Variants in ZNF343 observed in about 807,000 individuals in gnomAD.
ZNF343 encodes zinc finger protein 343.
ZNF343 carries 11 observed loss-of-function variants against 13.8 expected under a neutral mutation model. That is an observed-to-expected ratio of 0.80 (90% CI 0.50 to 1.32). ZNF343 has a LOEUF of 1.32. ZNF343 is among the 40% of genes most tolerant of loss of function. The pLI is 0.00. For synonymous variants in ZNF343, 248 were observed against 260.0 expected, an observed-to-expected ratio of 0.95 and a Z score of 0.44; for missense variants, 658 against 714.2, an observed-to-expected ratio of 0.92 and a Z score of 0.90.
At position 2,493,904 on chromosome 20, in the gene ZNF343, A is replaced by C; in HGVS notation, c.-9T>G. Reference sequence around the variant, plus strand: ...GGATAAGGCAACATCATGGCGCCAGAGTCAGCCCAGTGTGTGCCTTGAAAT... The same window carrying C: ...GGATAAGGCAACATCATGGCGCCAGCGTCAGCCCAGTGTGTGCCTTGAAAT... On this transcript the variant is annotated 5_prime_UTR_variant, in exon 3 of 6. Coordinates refer to ENST00000278772, the MANE Select transcript of ZNF343 (RefSeq NM_024325.6). 6.3e-7 allele frequency: 1 copy of C among 1,579,970 alleles called. No homozygotes were observed. The highest frequency in any genetic ancestry group is 8.7e-7 in the Non-Finnish European group (1 of 1,148,890).
At chr20:2,496,508 G>A (rs1037608025) in intron 2 of ZNF343, among the ~76,000 whole-genome samples, 1 of 152,158 alleles carries the variant, frequency 6.6e-6, no homozygotes, top group South Asian at 2.1e-4. Flanking sequence ...ATTTGGAGCA[G>A]AGGAATAACA....
At chr20:2,488,741 A>C (rs909547695) in intron 5 of ZNF343, among the ~76,000 whole-genome samples, 2 of 152,130 alleles carry the variant, frequency 1.3e-5, no homozygotes, top group African/African-American at 4.8e-5. Flanking sequence ...ACCTGATTTT[A>C]ATCTATAAAA....
chr20:2,499,725 G>C (rs1466710220), intron 2 of ZNF343, among the ~76,000 whole-genome samples: 1 of 152,128 alleles, frequency 6.6e-6, no homozygotes, highest in Non-Finnish European at 1.5e-5. Context: ...AAGGAGGCAA[G>C]AAAGACTCAG....
At chr20:2,511,986 A>G (rs532451994), upstream of ZNF343, among the ~76,000 whole-genome samples, 10 of 152,390 alleles carry the variant, frequency 6.6e-5, no homozygotes, top group South Asian at 2.1e-3. Context: ...CTCTATTCAC[A>G]GATGATGTGA....
At position 2,508,566 on chromosome 20, in the gene ZNF343, C is replaced by G. The variant is rs561467302; in HGVS notation, c.-237+315G>C. Among the ~76,000 whole-genome samples, 18 of 152,282 alleles carry G rather than the reference C, an allele frequency of 1.2e-4. No homozygotes were observed. Among genetic ancestry groups the G allele is most frequent in the African/African-American group, 4.1e-4 (17 of 41,560 alleles). On this transcript the variant is annotated intron_variant, in intron 1 of 5. Coordinates refer to ENST00000278772, the MANE Select transcript of ZNF343 (RefSeq NM_024325.6). This position sits in a 1 kb window ranked among gnomAD's most constrained non-coding sequence, Gnocchi z 4.5. Reference sequence around the variant, plus strand: ...AGGACGCACGACTGGGGCCGCCCTCCGTATTCGAAAACTGGTTGACCCAGA... The same window carrying G: ...AGGACGCACGACTGGGGCCGCCCTCGGTATTCGAAAACTGGTTGACCCAGA...
intron 4 of ZNF343, chr20:2,493,113 A>T (rs969319185): frequency 1.2e-5 from 6 of 490,092 alleles, no homozygotes; most frequent in African/African-American, 9.8e-5. Context: ...TGTGTTTAAG[A>T]CAGTGACTTT....
intron 5 of ZNF343, among the ~76,000 whole-genome samples, chr20:2,484,877 CAAGT>C (rs2085258715): frequency 6.6e-6 from 1 of 152,186 alleles, no homozygotes; most frequent in Admixed American, 6.5e-5. Context: ...AGGAACCTCT[CAAGT>C]GAGTATTCTG....
At chr20:2,509,904 TTGATA>T (rs1339707968), upstream of ZNF343, among the ~76,000 whole-genome samples, 3 of 152,172 alleles carry the variant, frequency 2.0e-5, no homozygotes, top group African/African-American at 7.2e-5. Flanking sequence ...AAGTGCTCCT[TTGATA>T]TGTACCTGAT....
chr20:2,524,988 C>T (rs2085799032), upstream of ZNF343, among the ~76,000 whole-genome samples: 1 of 152,218 alleles, frequency 6.6e-6, no homozygotes, highest in Non-Finnish European at 1.5e-5. Flanking sequence ...ATCCCCGCTT[C>T]CCGGCTTCCC....
At chr20:2,512,609 A>C (rs2085743222), upstream of ZNF343, among the ~76,000 whole-genome samples, 1 of 152,196 alleles carries the variant, frequency 6.6e-6, no homozygotes. Flanking sequence ...CTGGATAACC[A>C]CAAGTAAAAG....
chr20:2,517,766 C>T (rs1447332429), intron 1 of ZNF343, among the ~76,000 whole-genome samples: 2 of 151,898 alleles, frequency 1.3e-5, no homozygotes, highest in African/African-American at 4.8e-5. Flanking sequence ...CTCAGCCTCC[C>T]AAAGTGCTGG....
rs2085194115 is a variant in ZNF343 at position 2,483,080 on chromosome 20, A to G, written c.*81T>C. ...TCTGTGTACACAGGGTCTACTCCCC[A>G]TGTGTCTCTCTGGGGTAACATGAGG... On this transcript the variant is annotated 3_prime_UTR_variant, in exon 6 of 6. Transcript: ENST00000278772. 3 of 1,475,626 alleles carry G rather than the reference A, an allele frequency of 2.0e-6. No homozygotes were observed. The highest frequency in any genetic ancestry group is 2.7e-6 in the Non-Finnish European group (3 of 1,092,126). The allele number at this position is 1,475,626 out of a possible 1,614,324, so 91.4% of individuals were successfully genotyped here.
upstream of ZNF343, among the ~76,000 whole-genome samples, chr20:2,511,528 C>T (rs1048601389): frequency 2.6e-5 from 4 of 152,140 alleles, no homozygotes; most frequent in Non-Finnish European, 5.9e-5. Flanking sequence ...CCTCTGTGCT[C>T]CATGTGACTG....
intron 2 of ZNF343, among the ~76,000 whole-genome samples, chr20:2,498,212 C>T (rs1027168622): frequency 6.6e-6 from 1 of 152,122 alleles, no homozygotes; most frequent in Non-Finnish European, 1.5e-5. Context: ...CAAAATTAGC[C>T]GGGCGTGGTG....
At position 2,483,910 on chromosome 20, in the gene ZNF343, TCTC is replaced by T; in HGVS notation, c.1048_1050del (p.Glu350del). ...CCACACTCGCTGCAAACATAGGGCT[TCTC>T]CTCTGAGTGAGTCCACTGATGTCTA... On this transcript the variant is annotated inframe_deletion, in exon 6 of 6. Transcript: ENST00000278772. 6.2e-7 allele frequency: 1 copy of T among 1,614,214 alleles called. No homozygotes were observed. The highest frequency in any genetic ancestry group is 8.5e-7 in the Non-Finnish European group (1 of 1,180,046).
upstream of ZNF343, among the ~76,000 whole-genome samples, chr20:2,513,360 A>C (rs568316043): frequency 2.6e-5 from 4 of 152,312 alleles, no homozygotes; most frequent in African/African-American, 9.6e-5. Context: ...AGAACACACC[A>C]AAAAAATGCT....
At chr20:2,496,694 A>G (rs369013797) in intron 2 of ZNF343, among the ~76,000 whole-genome samples, 28 of 152,308 alleles carry the variant, frequency 1.8e-4, no homozygotes, top group East Asian at 1.7e-3. Flanking sequence ...AATAGCAATC[A>G]CATCCTGAAT....
chr20:2,523,408 A>T (rs1175778528), intron 1 of ZNF343, among the ~76,000 whole-genome samples: 2 of 151,550 alleles, frequency 1.3e-5, no homozygotes, highest in African/African-American at 2.4e-5. Flanking sequence ...TTTTTTTTTT[A>T]AATAAACTTA....
chr20:2,520,750 TCG>T (rs2085778842), intron 1 of ZNF343, among the ~76,000 whole-genome samples: 1 of 152,244 alleles, frequency 6.6e-6, no homozygotes, highest in African/African-American at 2.4e-5. Context: ...ACATGGGGAC[TCG>T]TCTTCTACGC....
Sources: allele counts gnomAD v4.1 joint callset (sites outside exome capture counted in the v4.1 genomes callset), GRCh38; gene constraint gnomAD v4.1.1; non-coding constraint Gnocchi (gnomAD v3.1); transcripts MANE v1.5; gene names NCBI Gene and HGNC (gene_info 2026-07-23, HGNC 2026-07-21).